VKORC1L1: variants seen among roughly 807,000 people sequenced by gnomAD.
The protein encoded by VKORC1L1 is vitamin K epoxide reductase complex subunit 1-like protein 1.
Under a neutral mutation model 18.9 loss-of-function variants are expected in VKORC1L1, and 2 were observed. That is an observed-to-expected ratio of 0.11 (90% CI 0.04 to 0.33). The LOEUF (loss-of-function observed/expected upper bound fraction) is 0.33. Ranked by LOEUF, VKORC1L1 falls within the 10% of genes least tolerant of loss-of-function variation. The pLI is 1.00. For synonymous variants in VKORC1L1, 96 were observed against 100.0 expected (o/e 0.96, Z 0.24); for missense variants, 123 against 224.1 (o/e 0.55, Z 2.88).
intron 1 of VKORC1L1, among the ~76,000 whole-genome samples, chr7:65,904,244 T>C (rs535188765): frequency 6.6e-6 from 1 of 152,316 alleles, no homozygotes; most frequent in South Asian, 2.1e-4. Flanking sequence ...AGTATCACTT[T>C]GTTGCCCAGG....
chr7:65,890,276 T>C (rs1336110403), intron 1 of VKORC1L1, among the ~76,000 whole-genome samples: 1 of 151,860 alleles, frequency 6.6e-6, no homozygotes, highest in African/African-American at 2.4e-5. Flanking sequence ...GACGACAGGC[T>C]CCTGCCACCA....
chr7:65,955,165 T>G lies in VKORC1L1; in HGVS notation c.*865T>G, dbSNP rs1201488588. On this transcript the variant is annotated 3_prime_UTR_variant, in exon 3 of 3. Coordinates refer to ENST00000360768, the MANE Select transcript of VKORC1L1 (RefSeq NM_173517.6). ...AAGGATGGGAAAATGGGTATTTTTC[T>G]TTGGAGAAAAGCTGGAAATATAAAC... 6.6e-6 allele frequency: 1 copy of G among 152,212 alleles called. No individual in the cohort carries two copies. The highest frequency in any genetic ancestry group is 1.5e-5 in the Non-Finnish European group (1 of 68,054). 9.4% of individuals were successfully genotyped at this position (152,212 alleles called of 1,614,324 possible). A position where few individuals can be genotyped will look rare whatever the true frequency, so the allele number is the denominator to read the frequency against.
At chr7:65,891,325 G>A (rs2116360876) in intron 1 of VKORC1L1, among the ~76,000 whole-genome samples, 1 of 152,130 alleles carries the variant, frequency 6.6e-6, no homozygotes, top group South Asian at 2.1e-4. Context: ...TCATGGGATA[G>A]GTGAGTGTTT....
intron 1 of VKORC1L1, among the ~76,000 whole-genome samples, chr7:65,907,633 C>T (rs1444721616): frequency 6.6e-6 from 1 of 152,112 alleles, no homozygotes; most frequent in Admixed American, 6.5e-5. Flanking sequence ...CAATAAACAC[C>T]ACTGTGAATA....
At position 65,957,003 on chromosome 7, in the gene VKORC1L1, G is replaced by A. The variant is rs1228520482; in HGVS notation, c.*2703G>A. 6.6e-6 allele frequency: 1 copy of A among 152,188 alleles called. No individual in the cohort carries two copies. Among genetic ancestry groups the A allele is most frequent in the Admixed American group, 6.5e-5 (1 of 15,276 alleles). 9.4% of individuals were successfully genotyped at this position (152,188 alleles called of 1,614,324 possible). ...ATGATAAATTCTAGGGAATCTAGGT[G>A]ATTTGGAGGATTTCATTTGTTTTGC... On this transcript the variant is annotated 3_prime_UTR_variant, in exon 3 of 3. Transcript: ENST00000360768.
chr7:65,901,471 A>G (rs1268880937), intron 1 of VKORC1L1, among the ~76,000 whole-genome samples: 1 of 152,244 alleles, frequency 6.6e-6, no homozygotes, highest in African/African-American at 2.4e-5. Flanking sequence ...ATTTTAAGCA[A>G]CAATATATGA....
chr7:65,911,330 A>T (rs1430032513), intron 1 of VKORC1L1, among the ~76,000 whole-genome samples: 1 of 152,214 alleles, frequency 6.6e-6, no homozygotes, highest in Non-Finnish European at 1.5e-5. Flanking sequence ...TGTTTGCAAA[A>T]TTAAGTAGTT....
chr7:65,948,352 T>C (rs1207675439), intron 1 of VKORC1L1, among the ~76,000 whole-genome samples: 2 of 147,396 alleles, frequency 1.4e-5, no homozygotes, highest in Admixed American at 1.4e-4. Flanking sequence ...GAAGTCTCCT[T>C]CTGCAAATAC....
chr7:65,951,786 C>G (rs1263038113), intron 2 of VKORC1L1, among the ~76,000 whole-genome samples: 4 of 152,114 alleles, frequency 2.6e-5, no homozygotes, highest in Non-Finnish European at 5.9e-5. Flanking sequence ...ACCCACTGTT[C>G]TGCAGCTTGC....
At chr7:65,949,475 G>A (rs182725108) in intron 2 of VKORC1L1, among the ~76,000 whole-genome samples, 10 of 148,206 alleles carry the variant, frequency 6.7e-5, no homozygotes, top group Admixed American at 4.1e-4. Flanking sequence ...GCGAAACTCC[G>A]TCTCACAAAA....
Position 65,923,532 on chromosome 7 carries a change from C to A in VKORC1L1, c.195-25139C>A, listed in dbSNP as rs181530180. Among the ~76,000 whole-genome samples the A allele has an allele frequency of 1.8e-3, 278 of 152,146 alleles. 3 individuals are homozygous for A. Among genetic ancestry groups the A allele is most frequent in the African/African-American group, 6.1e-3 (255 of 41,510 alleles). The stretch of plus-strand genomic sequence containing the variant: ...GTGTGATTATGAGGTTGGCAGGTGG[C>A]AACAGAGAGCAGTGGCTGGAGCATA... On this transcript the variant is annotated intron_variant, in intron 1 of 2. Transcript: ENST00000360768.
At chr7:65,889,387 A>G (rs1037665621) in intron 1 of VKORC1L1, among the ~76,000 whole-genome samples, 2 of 152,238 alleles carry the variant, frequency 1.3e-5, no homozygotes, top group African/African-American at 4.8e-5. Context: ...GCTGTTGGCT[A>G]TCTCAGTGAA....
upstream of VKORC1L1, among the ~76,000 whole-genome samples, chr7:65,869,897 C>T (rs1471835142): frequency 2.0e-5 from 3 of 151,476 alleles, no homozygotes; most frequent in Admixed American, 2.0e-4. Flanking sequence ...TCAAGCGATT[C>T]TCCCACATTG....
chr7:65,947,154 AAAAC>A (rs1021945962), intron 1 of VKORC1L1, among the ~76,000 whole-genome samples: 3 of 152,198 alleles, frequency 2.0e-5, no homozygotes, highest in African/African-American at 4.8e-5. Flanking sequence ...AAAACAAAAC[AAAAC>A]AAACAAAAAG....
At chr7:65,939,241 T>C (rs1789995573) in intron 1 of VKORC1L1, among the ~76,000 whole-genome samples, 1 of 152,214 alleles carries the variant, frequency 6.6e-6, no homozygotes, top group Non-Finnish European at 1.5e-5. Flanking sequence ...ATCCTGTAAA[T>C]GGCCACGGCT....
chr7:65,905,169 G>A (rs891440567), intron 1 of VKORC1L1, among the ~76,000 whole-genome samples: 3 of 152,068 alleles, frequency 2.0e-5, no homozygotes, highest in East Asian at 1.9e-4. Context: ...ACTTTTAATC[G>A]TGAACATTTG....
chr7:65,949,598 A>G (rs535782041), intron 2 of VKORC1L1, among the ~76,000 whole-genome samples: 1 of 152,220 alleles, frequency 6.6e-6, no homozygotes, highest in Non-Finnish European at 1.5e-5. Flanking sequence ...CCCAGGAGCA[A>G]CATGGTGAGA....
chr7:65,907,996 CAGT>C (rs1789434146), intron 1 of VKORC1L1, among the ~76,000 whole-genome samples: 1 of 152,144 alleles, frequency 6.6e-6, no homozygotes, highest in Non-Finnish European at 1.5e-5. Flanking sequence ...AACAAGCAAG[CAGT>C]GTGTCAGATC....
intron 1 of VKORC1L1, among the ~76,000 whole-genome samples, chr7:65,873,998 C>G (rs2116315402): frequency 6.6e-6 from 1 of 152,166 alleles, no homozygotes; most frequent in East Asian, 1.9e-4. Context: ...GCGGCAACCT[C>G]TTGTCCCCCC....
Sources: gnomAD v4.1 joint callset for allele counts (sites outside exome capture counted in the v4.1 genomes callset) on GRCh38, gnomAD v4.1.1 for gene constraint, MANE v1.5 for transcripts, NCBI Gene and HGNC (gene_info 2026-07-23, HGNC 2026-07-21) for gene names.